Variants in CTNNA1 observed in about 807,000 individuals in gnomAD.
CTNNA1 encodes the protein catenin alpha 1.
CTNNA1 carries 37 observed loss-of-function variants against 98.4 expected under a neutral mutation model. The observed-to-expected ratio is 0.38, with a 90% CI of 0.29 to 0.49. The LOEUF (loss-of-function observed/expected upper bound fraction) is 0.49. CTNNA1 is among the 20% of genes least tolerant of loss of function. The pLI is 0.95. For synonymous variants in CTNNA1, 404 were observed against 413.2 expected (o/e 0.98, Z 0.27); for missense variants, 761 against 1,147.2 (o/e 0.66, Z 4.86).
intron 9 of CTNNA1, among the ~76,000 whole-genome samples, chr5:138,899,006 T>C (rs1757482412): frequency 6.6e-6 from 1 of 152,232 alleles, no homozygotes; most frequent in Non-Finnish European, 1.5e-5. Context: ...ACTTTTTTCT[T>C]GAACTTCTAT....
At chr5:138,861,569 T>C (rs1764282843) in intron 7 of CTNNA1, among the ~76,000 whole-genome samples, 2 of 152,288 alleles carry the variant, frequency 1.3e-5, no homozygotes, top group South Asian at 4.1e-4. Context: ...ACGCCCCAAT[T>C]CACATTCCCC....
At chr5:138,921,194 T>TA (rs1762844902) in intron 11 of CTNNA1, among the ~76,000 whole-genome samples, 1 of 152,214 alleles carries the variant, frequency 6.6e-6, no homozygotes, top group Non-Finnish European at 1.5e-5. Context: ...ATCAAAGTGA[T>TA]AAAGACTCTT....
intron 7 of CTNNA1, among the ~76,000 whole-genome samples, chr5:138,849,716 A>G (rs1380186871): frequency 6.6e-6 from 1 of 152,226 alleles, no homozygotes. Flanking sequence ...ACTAAAGAGT[A>G]ATAGGAGAGC....
At chr5:138,855,450 C>T (rs907538768) in intron 7 of CTNNA1, among the ~76,000 whole-genome samples, 1 of 152,026 alleles carries the variant, frequency 6.6e-6, no homozygotes, top group African/African-American at 2.4e-5. Context: ...AGCAGATGCC[C>T]TTTACTTTCA....
intron 9 of CTNNA1, among the ~76,000 whole-genome samples, chr5:138,892,229 C>T (rs964379788): frequency 6.6e-6 from 1 of 151,116 alleles, no homozygotes; most frequent in African/African-American, 2.4e-5. Flanking sequence ...TTGACTGAGA[C>T]CTATCTCAGA....
intron 16 of CTNNA1, 130 bp from the exon 17 acceptor site, chr5:138,932,448 G>C: frequency 6.8e-7 from 1 of 1,469,040 alleles, no homozygotes; most frequent in Non-Finnish European, 9.0e-7. Flanking sequence ...TCAGGTAATT[G>C]GGTGATTTTG....
rs181433955 is a variant in CTNNA1 at position 138,807,762 on chromosome 5, T to A, written c.302-2276T>A. Among the ~76,000 whole-genome samples, 40 of 152,248 alleles carry A rather than the reference T, an allele frequency of 2.6e-4. No homozygotes were observed. The East Asian group carries it at 7.5e-3, about 29-fold the overall frequency. On this transcript the variant is annotated intron_variant, in intron 3 of 17. Coordinates refer to ENST00000302763, the MANE Select transcript of CTNNA1 (RefSeq NM_001903.5). The stretch of plus-strand genomic sequence containing the variant: ...TTAAGACAGTATTTATATATATATA[T>A]TTGAGATGGAGTTTCACTCTTGTTG...
At chr5:138,925,866 C>T (rs1454178787) in intron 13 of CTNNA1, among the ~76,000 whole-genome samples, 1 of 152,210 alleles carries the variant, frequency 6.6e-6, no homozygotes, top group East Asian at 1.9e-4. Flanking sequence ...TGCTCCTAGG[C>T]TCATGGCCAA....
chr5:138,827,454 C>A, intron 6 of CTNNA1, 61 bp from the exon 7 acceptor site: 5 of 1,567,602 alleles, frequency 3.2e-6, no homozygotes, highest in Non-Finnish European at 3.5e-6. Context: ...ACACTTTTCT[C>A]ACCTTGAATA....
chr5:138,876,336 G>A (rs1164951096), intron 7 of CTNNA1, among the ~76,000 whole-genome samples: 1 of 152,208 alleles, frequency 6.6e-6, no homozygotes, highest in African/African-American at 2.4e-5. Flanking sequence ...AACCTGTCTT[G>A]TGAATACAAA....
At chr5:138,854,409 G>A (rs1319153703) in intron 7 of CTNNA1, among the ~76,000 whole-genome samples, 1 of 152,126 alleles carries the variant, frequency 6.6e-6, no homozygotes, top group Non-Finnish European at 1.5e-5. Context: ...TTGATCTGGG[G>A]CCATTTGCCT....
intron 13 of CTNNA1, among the ~76,000 whole-genome samples, chr5:138,928,791 G>A (rs951684479): frequency 2.5e-4 from 38 of 152,068 alleles, no homozygotes; most frequent in Non-Finnish European, 4.3e-4. Flanking sequence ...AAAATTAGCC[G>A]GGCATGGTGG....
chr5:138,925,552 A>C (rs900077884), intron 13 of CTNNA1, 145 bp downstream of exon 13: 5 of 1,226,632 alleles, frequency 4.1e-6, no homozygotes, highest in Non-Finnish European at 5.5e-6. Flanking sequence ...AGATATATTT[A>C]ATTACGTTGT....
At chr5:138,863,853 G>A (rs1764503825) in intron 7 of CTNNA1, among the ~76,000 whole-genome samples, 3 of 152,202 alleles carry the variant, frequency 2.0e-5, no homozygotes, top group African/African-American at 7.2e-5. Context: ...CTGATTGATT[G>A]GGCTGGGCAT....
chr5:138,925,830 T>C (rs1033819105), intron 13 of CTNNA1, among the ~76,000 whole-genome samples: 1 of 152,164 alleles, frequency 6.6e-6, no homozygotes, highest in Non-Finnish European at 1.5e-5. Context: ...CCCCAGGGTG[T>C]TGGGGGGAGG....
chr5:138,901,821 G>A (rs558807335), intron 9 of CTNNA1, among the ~76,000 whole-genome samples: 4 of 152,242 alleles, frequency 2.6e-5, no homozygotes, highest in South Asian at 2.1e-4. Flanking sequence ...TCCTCTCCTC[G>A]CCCTCTCCTT....
chr5:138,885,740 T>A (rs1753892989), intron 7 of CTNNA1, among the ~76,000 whole-genome samples: 1 of 152,144 alleles, frequency 6.6e-6, no homozygotes, highest in African/African-American at 2.4e-5. Flanking sequence ...ATCAGGTACA[T>A]CTTAGTTTTT....
intron 7 of CTNNA1, among the ~76,000 whole-genome samples, chr5:138,843,195 G>T (rs1199077142): frequency 2.0e-5 from 3 of 152,186 alleles, no homozygotes; most frequent in African/African-American, 7.2e-5. Context: ...AAAACCAATG[G>T]AAAGGTGATA....
Position 138,934,188 on chromosome 5 carries a change from T to G in CTNNA1, c.*99T>G. On this transcript the variant is annotated 3_prime_UTR_variant, in exon 18 of 18. Transcript: ENST00000302763. ...TGCTAAATACAACACTGATACTAGA[T>G]TCCACAGGGAAATGGGCAGACTGAA... is the stretch of plus-strand genomic sequence containing the variant. 1 of 865,374 alleles carries G rather than the reference T, an allele frequency of 1.2e-6. No homozygotes were observed. The highest frequency in any genetic ancestry group is 1.8e-6 in the Non-Finnish European group (1 of 561,818). 53.6% of individuals were successfully genotyped at this position (865,374 alleles called of 1,614,324 possible).
Sources: gnomAD v4.1 joint callset for allele counts (sites outside exome capture counted in the v4.1 genomes callset) on GRCh38, gnomAD v4.1.1 for gene constraint, MANE v1.5 for transcripts, NCBI Gene and HGNC (gene_info 2026-07-23, HGNC 2026-07-21) for gene names.